The following LMNTD1 variants were observed in gnomAD, a reference collection of about 807,000 sequenced individuals.
The protein encoded by LMNTD1 is lamin tail domain-containing protein 1.
LMNTD1 carries 35 observed loss-of-function variants against 50.9 expected under a neutral mutation model. The observed-to-expected ratio is 0.69, with a 90% confidence interval of 0.53 to 0.91. The LOEUF is 0.91. Among genes scored for constraint, LMNTD1 ranks in the 40% least tolerant of loss-of-function variants. The pLI is 0.00. For synonymous variants in LMNTD1, 153 were observed against 161.9 expected (o/e 0.94, Z 0.42); for missense variants, 470 against 475.5 (o/e 0.99, Z 0.11).
At chr12:25,530,380 A>G (rs1041626659) in intron 4 of LMNTD1, among the ~76,000 whole-genome samples, 9 of 152,250 alleles carry the variant, frequency 5.9e-5, no homozygotes, top group Non-Finnish European at 1.3e-4. Flanking sequence ...TATATAAGAA[A>G]TCTTTCCCTG....
intron 1 of LMNTD1, among the ~76,000 whole-genome samples, chr12:25,615,205 G>A (rs1488690010): frequency 6.6e-6 from 1 of 152,158 alleles, no homozygotes; most frequent in African/African-American, 2.4e-5. Context: ...ATGGGTGAAT[G>A]CAGAAGATGA....
intron 9 of LMNTD1, among the ~76,000 whole-genome samples, chr12:25,490,769 T>C (rs149124342): frequency 3.3e-5 from 5 of 152,298 alleles, no homozygotes; most frequent in Non-Finnish European, 7.4e-5. Context: ...TAGTAATATA[T>C]GGAGATTTGT....
intron 6 of LMNTD1, among the ~76,000 whole-genome samples, chr12:25,523,298 C>T (rs1941478866): frequency 6.6e-6 from 1 of 152,202 alleles, no homozygotes. Context: ...TCCCAAAGTG[C>T]TGGGATTACA....
At chr12:25,636,195 A>G (rs898362397) in intron 1 of LMNTD1, among the ~76,000 whole-genome samples, 2 of 152,212 alleles carry the variant, frequency 1.3e-5, no homozygotes, top group African/African-American at 4.8e-5. Context: ...GAGTAAACAG[A>G]TGACCCACAG....
rs926660391 is a variant in LMNTD1 at position 25,647,517 on chromosome 12, A to G, written c.58+977T>C. On this transcript the variant is annotated intron_variant, in intron 1 of 7. Transcript: ENST00000445693. ...AAAATAATAATAAAAGTAAAAAATGAAAAAATAAAATTTCTATAATCCAGC... is the reference window on the plus strand; with the variant it reads ...AAAATAATAATAAAAGTAAAAAATGGAAAAATAAAATTTCTATAATCCAGC... Among the ~76,000 whole-genome samples, 6 of 152,210 alleles carry G rather than the reference A, an allele frequency of 3.9e-5. No individual in the cohort carries two copies. In the East Asian group the frequency reaches 9.6e-4, roughly 24 times the overall value.
intron 1 of LMNTD1, among the ~76,000 whole-genome samples, chr12:25,573,452 T>C (rs1403446972): frequency 1.3e-5 from 2 of 152,154 alleles, no homozygotes; most frequent in Non-Finnish European, 2.9e-5. Context: ...CTAGAAATAA[T>C]GCAGTCTTTT....
intron 1 of LMNTD1, among the ~76,000 whole-genome samples, chr12:25,616,830 C>A (rs1172898091): frequency 6.6e-6 from 1 of 152,104 alleles, no homozygotes; most frequent in Non-Finnish European, 1.5e-5. Context: ...TTCCCAGGAG[C>A]TGGTGGTGAG....
At chr12:25,615,740 T>A (rs1437792472) in intron 1 of LMNTD1, among the ~76,000 whole-genome samples, 1 of 152,146 alleles carries the variant, frequency 6.6e-6, no homozygotes, top group African/African-American at 2.4e-5. Context: ...GGACTACAGG[T>A]GTGAGCCATG....
Position 25,570,622 on chromosome 12 carries a change from T to C in LMNTD1, c.59-24068A>G, listed in dbSNP as rs895915749. The stretch of plus-strand genomic sequence containing the variant: ...GATGGCATGGGTGGGGAGTGCCAAG[T>C]AGAGCCAGAGAGACAGGGAAGACCA... On this transcript the variant is annotated intron_variant, in intron 1 of 7. Transcript: ENST00000445693. Among the ~76,000 whole-genome samples, 4 of 152,072 alleles carry C rather than the reference T, an allele frequency of 2.6e-5. No individual in the cohort carries two copies. The East Asian group carries it at 7.7e-4, about 29-fold the overall frequency.
intron 1 of LMNTD1, among the ~76,000 whole-genome samples, chr12:25,607,069 A>G (rs572818680): frequency 1.3e-5 from 2 of 152,184 alleles, no homozygotes; most frequent in South Asian, 4.2e-4. Flanking sequence ...GGGAGGGTGT[A>G]TGTTTCCAGG....
chr12:25,477,547 A>G (rs1217315669), intron 9 of LMNTD1, among the ~76,000 whole-genome samples: 1 of 152,196 alleles, frequency 6.6e-6, no homozygotes, highest in African/African-American at 2.4e-5. Context: ...GGATGAGATT[A>G]AAGTCAGGAG....
chr12:25,585,093 AAG>A (rs1945464932), intron 1 of LMNTD1, among the ~76,000 whole-genome samples: 1 of 152,200 alleles, frequency 6.6e-6, no homozygotes, highest in Non-Finnish European at 1.5e-5. Flanking sequence ...AGGAGATGAG[AAG>A]AGAGTCTGGG....
At chr12:25,613,981 G>C (rs1408899657) in intron 1 of LMNTD1, among the ~76,000 whole-genome samples, 2 of 151,790 alleles carry the variant, frequency 1.3e-5, no homozygotes, top group Admixed American at 1.3e-4. Context: ...AAGGACAAAG[G>C]GAAAAGCAGA....
intron 1 of LMNTD1, among the ~76,000 whole-genome samples, chr12:25,623,169 A>G (rs1388270630): frequency 1.3e-5 from 2 of 152,150 alleles, no homozygotes; most frequent in Non-Finnish European, 2.9e-5. Context: ...TCAGAGCTCA[A>G]TAAACCTGAG....
At chr12:25,601,527 C>T (rs140058935) in intron 1 of LMNTD1, among the ~76,000 whole-genome samples, 50 of 151,922 alleles carry the variant, frequency 3.3e-4, no homozygotes, top group Admixed American at 2.1e-3. Flanking sequence ...TTTTACATGA[C>T]GTGATTATGA....
At position 25,610,220 on chromosome 12, in the gene LMNTD1, C is replaced by A. The variant is rs1327851809; in HGVS notation, c.58+38274G>T. ...AGTGCAGTGTCTAGGTGGCAGAGTC[C>A]CAATTTTCCCAGTACAGTCTGTCAT... On this transcript the variant is annotated intron_variant, in intron 1 of 7. Transcript: ENST00000445693. Among the ~76,000 whole-genome samples, 6 of 152,098 alleles carry A rather than the reference C, an allele frequency of 3.9e-5. No homozygotes were observed. The East Asian group carries it at 1.2e-3, about 29-fold the overall frequency.
chr12:25,606,793 C>CT (rs879088708), intron 1 of LMNTD1, among the ~76,000 whole-genome samples: 4 of 152,056 alleles, frequency 2.6e-5, no homozygotes, highest in Non-Finnish European at 4.4e-5. Context: ...CTAAAATTCT[C>CT]TTTTTTTGTT....
intron 1 of LMNTD1, among the ~76,000 whole-genome samples, chr12:25,610,365 A>G (rs946014340): frequency 6.6e-6 from 1 of 152,012 alleles, no homozygotes; most frequent in African/African-American, 2.4e-5. Context: ...ACCAGTCCCA[A>G]TGAGATGAAC....
At chr12:25,571,774 A>G (rs1256634497) in intron 1 of LMNTD1, among the ~76,000 whole-genome samples, 1 of 152,142 alleles carries the variant, frequency 6.6e-6, no homozygotes, top group Non-Finnish European at 1.5e-5. Context: ...GGTTCAAGCA[A>G]TTCTCGTGCC....
Sources: gnomAD v4.1 joint callset for allele counts (sites outside exome capture counted in the v4.1 genomes callset) on GRCh38, gnomAD v4.1.1 for gene constraint, MANE v1.5 for transcripts, NCBI Gene and HGNC (gene_info 2026-07-23, HGNC 2026-07-21) for gene names.